IMMP2L: variants seen among roughly 807,000 people sequenced by gnomAD.
The protein encoded by IMMP2L is mitochondrial inner membrane protease subunit 2.
Under a neutral mutation model 19.3 loss-of-function variants are expected in IMMP2L, and 18 were observed. That is an observed-to-expected ratio of 0.93 (90% confidence interval 0.64 to 1.38). IMMP2L has a LOEUF of 1.38. Among genes scored for constraint, IMMP2L ranks in the 40% most tolerant of loss-of-function variants. The pLI, the probability that IMMP2L is intolerant of heterozygous loss-of-function variation, is 0.00. For missense variants in IMMP2L, 233 were observed against 218.2 expected, an observed-to-expected ratio of 1.07 and a Z score of -0.43; for synonymous variants, 76 against 73.0, an observed-to-expected ratio of 1.04 and a Z score of -0.21.
chr7:111,478,277 T>C (rs1377091583), intron 3 of IMMP2L, among the ~76,000 whole-genome samples: 2 of 152,194 alleles, frequency 1.3e-5, no homozygotes, highest in Non-Finnish European at 2.9e-5. Flanking sequence ...ATCTATTGAG[T>C]TCTTCATTTC....
chr7:111,154,240 G>C (rs927230474), intron 3 of IMMP2L, among the ~76,000 whole-genome samples: 1 of 152,012 alleles, frequency 6.6e-6, no homozygotes, highest in African/African-American at 2.4e-5. Flanking sequence ...ACCTTTAATA[G>C]ATATTTCTAA....
In IMMP2L at chr7:111,311,358, A is replaced by G. The variant is rs1006816803; in HGVS notation, c.239+175880T>C. 5.9e-5 allele frequency among the ~76,000 whole-genome samples: 9 copies of G among 152,140 alleles called. No homozygotes were observed. In the South Asian group the frequency reaches 1.7e-3, roughly 28 times the overall value. Reference sequence around the variant, plus strand: ...AAGGCAGGCAGGCAGGGAGGGAGGGATCATTTGGTCCCCATAAGGTCACAC... The same window carrying G: ...AAGGCAGGCAGGCAGGGAGGGAGGGGTCATTTGGTCCCCATAAGGTCACAC... On this transcript the variant is annotated intron_variant, in intron 3 of 5. Transcript: ENST00000405709.
intron 3 of IMMP2L, among the ~76,000 whole-genome samples, chr7:111,057,443 C>T (rs559638587): frequency 6.6e-6 from 1 of 151,732 alleles, no homozygotes; most frequent in East Asian, 1.9e-4. Flanking sequence ...TTTTGTAAAT[C>T]TTACAGAACA....
At chr7:111,287,539 A>T (rs1417790789) in intron 3 of IMMP2L, among the ~76,000 whole-genome samples, 4 of 138,560 alleles carry the variant, frequency 2.9e-5, no homozygotes, top group Non-Finnish European at 4.7e-5. Flanking sequence ...CAAAATCAAG[A>T]ATCCACACCA....
intron 5 of IMMP2L, among the ~76,000 whole-genome samples, chr7:110,841,506 A>C (rs1011509742): frequency 7.2e-5 from 11 of 152,232 alleles, no homozygotes; most frequent in African/African-American, 2.4e-4. Flanking sequence ...ATCTAGAATC[A>C]TTTAGTTTAA....
At chr7:111,436,510 TACACACACACATAC>T (rs1837180331) in intron 3 of IMMP2L, among the ~76,000 whole-genome samples, 1 of 151,060 alleles carries the variant, frequency 6.6e-6, no homozygotes, top group Non-Finnish European at 1.5e-5. Flanking sequence ...CTTTTTTTCT[TACACACACACATAC>T]ACACACACAC....
chr7:111,151,159 G>C (rs1158991266), intron 3 of IMMP2L, among the ~76,000 whole-genome samples: 1 of 152,170 alleles, frequency 6.6e-6, no homozygotes, highest in Non-Finnish European at 1.5e-5. Context: ...CAGTGTACCT[G>C]AGCATAAAGA....
chr7:111,216,161 T>A (rs564915018), intron 3 of IMMP2L, among the ~76,000 whole-genome samples: 1 of 152,258 alleles, frequency 6.6e-6, no homozygotes, highest in Admixed American at 6.5e-5. Context: ...TGGAGTCACA[T>A]ACATCACCAA....
At chr7:111,501,296 A>G (rs1844223831) in intron 2 of IMMP2L, among the ~76,000 whole-genome samples, 1 of 152,146 alleles carries the variant, frequency 6.6e-6, no homozygotes, top group African/African-American at 2.4e-5. Flanking sequence ...AGAAACAAAC[A>G]AAGCCTCCAA....
intron 1 of IMMP2L, among the ~76,000 whole-genome samples, chr7:111,538,608 G>A (rs1848108549): frequency 7.0e-6 from 1 of 143,636 alleles, no homozygotes; most frequent in South Asian, 2.2e-4. Flanking sequence ...AAACCAACCT[G>A]AGCAGCATAG....
intron 3 of IMMP2L, among the ~76,000 whole-genome samples, chr7:111,131,827 A>C (rs993242013): frequency 1.3e-5 from 2 of 151,972 alleles, no homozygotes; most frequent in Non-Finnish European, 2.9e-5. Flanking sequence ...ATATTCATAT[A>C]GTTAATATGA....
intron 3 of IMMP2L, among the ~76,000 whole-genome samples, chr7:111,461,147 T>G (rs147462284): frequency 7.2e-5 from 11 of 152,224 alleles, no homozygotes; most frequent in Admixed American, 2.6e-4. Context: ...ATAATTCTGT[T>G]AGGAACTTAT....
At chr7:110,894,104 G>A (rs950635498) in intron 4 of IMMP2L, among the ~76,000 whole-genome samples, 65 of 152,078 alleles carry the variant, frequency 4.3e-4, no homozygotes, top group Non-Finnish European at 5.9e-5. Flanking sequence ...TAAGACATCC[G>A]AAGACCCCGT....
chr7:111,220,924 A>C (rs940992643), intron 3 of IMMP2L, among the ~76,000 whole-genome samples: 11 of 152,136 alleles, frequency 7.2e-5, no homozygotes, highest in Admixed American at 7.2e-4. Flanking sequence ...TTTTTGTTCT[A>C]TTCAGGCCCT....
At chr7:111,516,888 C>T (rs964804648) in intron 2 of IMMP2L, among the ~76,000 whole-genome samples, 1 of 152,090 alleles carries the variant, frequency 6.6e-6, no homozygotes, top group African/African-American at 2.4e-5. Context: ...AGTGACGACA[C>T]AGAGAAGTCA....
intron 3 of IMMP2L, among the ~76,000 whole-genome samples, chr7:111,450,502 C>A (rs1396302853): frequency 4.6e-5 from 7 of 151,336 alleles, no homozygotes; most frequent in African/African-American, 1.7e-4. Context: ...AACTGGCTAG[C>A]CATATGTAGA....
intron 3 of IMMP2L, among the ~76,000 whole-genome samples, chr7:111,367,239 GA>G (rs1209425526): frequency 4.0e-5 from 6 of 151,256 alleles, no homozygotes; most frequent in African/African-American, 1.5e-4. Flanking sequence ...GAAGAATAAA[GA>G]AAAAAATAAT....
chr7:111,368,931 A>T (rs951535721), intron 3 of IMMP2L, among the ~76,000 whole-genome samples: 1 of 151,834 alleles, frequency 6.6e-6, no homozygotes, highest in Non-Finnish European at 1.5e-5. Context: ...CATTTTTTTT[A>T]AATATGTAAA....
intron 3 of IMMP2L, among the ~76,000 whole-genome samples, chr7:111,362,778 T>C (rs910821224): frequency 1.3e-5 from 2 of 152,140 alleles, no homozygotes; most frequent in Non-Finnish European, 2.9e-5. Flanking sequence ...GCTATCATGA[T>C]GCAAGGGAAT....
Sources: allele counts gnomAD v4.1 joint callset (sites outside exome capture counted in the v4.1 genomes callset), GRCh38; gene constraint gnomAD v4.1.1; transcripts MANE v1.5; gene names NCBI Gene and HGNC (gene_info 2026-07-23, HGNC 2026-07-21).